Variants in WBP2NL observed in about 807,000 individuals in gnomAD.
WBP2NL encodes WBP2 N-terminal like.
WBP2NL carries 27 observed loss-of-function variants against 23.3 expected under a neutral mutation model. The ratio of observed to expected loss-of-function variants is 1.16; its 90% confidence interval spans 0.85 to 1.60. The LOEUF (loss-of-function observed/expected upper bound fraction) is 1.60, where lower values mean the gene tolerates loss of function less well. WBP2NL is among the 40% of genes most tolerant of loss of function. The pLI is 0.00. For synonymous variants in WBP2NL, 151 were observed against 145.9 expected, an observed-to-expected ratio of 1.03 and a Z score of -0.25; for missense variants, 370 against 389.5, an observed-to-expected ratio of 0.95 and a Z score of 0.42.
intron 8 of WBP2NL, among the ~76,000 whole-genome samples, chr22:42,050,517 G>A (rs963536297): frequency 2.6e-5 from 4 of 151,734 alleles, no homozygotes; most frequent in East Asian, 3.9e-4. Flanking sequence ...GTGTTGTGGC[G>A]CTTGCCTGTA....
intron 5 of WBP2NL, among the ~76,000 whole-genome samples, chr22:42,026,273 AAATAATAATAATAAT>A (rs3045492): frequency 0.051 from 7,132 of 140,268 alleles, 578 homozygotes; most frequent in African/African-American, 0.17. Flanking sequence ...CCCCCTCTCA[AAATAATAATAATAAT>A]AATAATAATA....
In WBP2NL at chr22:42,038,440, T is replaced by C. The variant is rs560899484; in HGVS notation, c.*273+7617T>C. On this transcript the variant is annotated intron_variant and NMD_transcript_variant, in intron 8 of 8. Transcript: ENST00000436265. ...GGGATATTGCCTGGTAATTTTCTTATGTTATCTTTAGCTTTGGAATCAGGG... is the reference window on the plus strand; with the variant it reads ...GGGATATTGCCTGGTAATTTTCTTACGTTATCTTTAGCTTTGGAATCAGGG... 2.6e-5 allele frequency among the ~76,000 whole-genome samples: 4 copies of C among 152,356 alleles called. No individual in the cohort carries two copies. The South Asian group carries it at 8.3e-4, about 32-fold the overall frequency.
At chr22:42,029,570 C>T (rs1924800331), downstream of WBP2NL, among the ~76,000 whole-genome samples, 1 of 152,038 alleles carries the variant, frequency 6.6e-6, no homozygotes, top group South Asian at 2.1e-4. Flanking sequence ...TGGGGTCTGG[C>T]CATGTTGGCC....
chr22:42,006,778 T>G (rs993265756), intron 1 of WBP2NL, among the ~76,000 whole-genome samples: 6 of 152,220 alleles, frequency 3.9e-5, no homozygotes, highest in African/African-American at 1.2e-4. Flanking sequence ...ATATTTTGAC[T>G]CCTCTTGCCT....
chr22:42,008,818 G>T lies in WBP2NL; in HGVS notation c.62+9938G>T, dbSNP rs150153207. The stretch of plus-strand genomic sequence containing the variant: ...TTCTAAGATGGAGTCTCGCTCTGTT[G>T]CCCAGGCTGGAGTGCAGTGGCACGA... On this transcript the variant is annotated intron_variant, in intron 1 of 5. Transcript: ENST00000328823. Among the ~76,000 whole-genome samples the T allele has an allele frequency of 6.8e-3, 1,028 of 151,788 alleles. 9 individuals carry two copies. Among genetic ancestry groups the T allele is most frequent in the African/African-American group, 0.024 (973 of 41,378 alleles).
Position 42,027,140 on chromosome 22 carries a change from G to A in WBP2NL, c.889G>A (p.Ala297Thr). The change falls in exon 6 of 6, where the codon GCT (alanine) becomes ACT (threonine). Residue 297 changes from alanine to threonine, a missense_variant. Coordinates refer to ENST00000328823, the MANE Select transcript of WBP2NL (RefSeq NM_152613.3). ...STAAQAPENEASLPSASSSQV... is the reference protein window; with the variant it reads ...STAAQAPENETSLPSASSSQV... ...AGCAGCCCAGGCTCCTGAAAACGAG[G>A]CTTCTCTTCCCTCTGCCTCCTCTTC... The A allele has an allele frequency of 6.2e-7, 1 of 1,613,952 alleles. No individual in the cohort carries two copies. Among genetic ancestry groups the A allele is most frequent in the Non-Finnish European group, 8.5e-7 (1 of 1,179,932 alleles).
At chr22:42,019,475 A>T (rs970962960) in intron 2 of WBP2NL, 56 bp downstream of exon 2, 2 of 1,580,178 alleles carry the variant, frequency 1.3e-6, no homozygotes, top group Non-Finnish European at 1.7e-6. Flanking sequence ...TTTTCCTTGA[A>T]ATGAAGAAAA....
chr22:42,002,079 G>A (rs1360968391), intron 1 of WBP2NL: 11 of 430,360 alleles, frequency 2.6e-5, no homozygotes, highest in African/African-American at 4.0e-5. Context: ...CTTCTCACTC[G>A]GGCTATGGGT....
intron 1 of WBP2NL, among the ~76,000 whole-genome samples, chr22:42,011,689 C>T (rs149844039): frequency 6.6e-6 from 1 of 152,042 alleles, no homozygotes; most frequent in East Asian, 1.9e-4. Flanking sequence ...TCCAACTTGA[C>T]ATACAATTGT....
chr22:42,008,121 G>GCTTTGCTTTCCTTTCCTTTC (rs1569446628), intron 1 of WBP2NL, among the ~76,000 whole-genome samples: 2 of 53,820 alleles, frequency 3.7e-5, no homozygotes, highest in African/African-American at 1.2e-4. Context: ...CCTTTCCTTT[G>GCTTTGCTTTCCTTTCCTTTC]CTTTCCTTTC....
Position 42,025,821 on chromosome 22 carries a change from A to G in WBP2NL, c.515-945A>G, listed in dbSNP as rs373170658. ...GGAATGTAACCCAAGGTAATAAGTA[A>G]AACTCATGTTTATTGTAAGGTTAAT... On this transcript the variant is annotated intron_variant, in intron 5 of 5. Transcript: ENST00000328823. Among the ~76,000 whole-genome samples the G allele has an allele frequency of 1.4e-4, 22 of 152,338 alleles. No homozygotes were observed. The East Asian group carries it at 3.1e-3, about 21-fold the overall frequency.
chr22:42,019,938 T>C, intron 3 of WBP2NL, 66 bp from the exon 4 acceptor site: 2 of 1,594,742 alleles, frequency 1.3e-6, no homozygotes, highest in Non-Finnish European at 1.7e-6. Flanking sequence ...CCTTGGTGTT[T>C]GTGGCAGTCT....
chr22:42,025,270 C>T (rs8139038), intron 5 of WBP2NL, among the ~76,000 whole-genome samples: 3,567 of 152,284 alleles, frequency 0.023, 136 homozygotes, highest in African/African-American at 0.082. Flanking sequence ...TCAAGCTTGT[C>T]CAACCCATGG....
chr22:42,003,249 C>T (rs1921881655), intron 1 of WBP2NL: 1 of 152,096 alleles, frequency 6.6e-6, no homozygotes. Context: ...ATAGATGTTA[C>T]TCTTATACTG....
downstream of WBP2NL, chr22:42,030,572 A>G (rs1924875449): frequency 6.6e-6 from 1 of 152,282 alleles, no homozygotes; most frequent in Non-Finnish European, 1.5e-5. Context: ...GTGTGGCTGT[A>G]AACCTCTCTA....
intron 8 of WBP2NL, among the ~76,000 whole-genome samples, chr22:42,049,207 A>G (rs760637613): frequency 1.3e-4 from 20 of 152,210 alleles, no homozygotes; most frequent in Non-Finnish European, 2.4e-4. Context: ...GCACAAATAT[A>G]GCCAACATGT....
At chr22:42,022,184 T>C in intron 4 of WBP2NL, 65 bp from the exon 5 acceptor site, 1 of 1,243,352 alleles carries the variant, frequency 8.0e-7, no homozygotes, top group Non-Finnish European at 1.2e-6. Context: ...AATTGTTTAG[T>C]TGATATCTGC....
intron 8 of WBP2NL, among the ~76,000 whole-genome samples, chr22:42,045,726 C>CA (rs1279374092): frequency 6.6e-6 from 1 of 152,230 alleles, no homozygotes; most frequent in Admixed American, 6.5e-5. Context: ...AATAAACTTC[C>CA]AAAAAATAAA....
downstream of WBP2NL, among the ~76,000 whole-genome samples, chr22:42,036,965 T>C (rs1300184956): frequency 6.6e-6 from 1 of 152,220 alleles, no homozygotes; most frequent in Non-Finnish European, 1.5e-5. Context: ...TTTTCTTTCA[T>C]TGCCTGTGCT....
Sources: gnomAD v4.1 joint callset for allele counts (sites outside exome capture counted in the v4.1 genomes callset) on GRCh38, gnomAD v4.1.1 for gene constraint, MANE v1.5 for transcripts, NCBI Gene and HGNC (gene_info 2026-07-23, HGNC 2026-07-21) for gene names.